TENM2: variants seen among roughly 807,000 people sequenced by gnomAD.
The protein encoded by TENM2 is teneurin-2.
TENM2 carries 52 observed loss-of-function variants against 245.2 expected under a neutral mutation model. That is an observed-to-expected ratio of 0.21 (90% CI 0.17 to 0.27). TENM2 has a LOEUF of 0.27. Ranked by LOEUF, TENM2 falls within the 10% of genes least tolerant of loss-of-function variation. The probability of loss-of-function intolerance (pLI) is 1.00; values close to 1 mark genes in which losing one functional copy is unlikely to be tolerated. For missense variants in TENM2, 3,046 were observed against 3,666.8 expected (o/e 0.83, Z 4.37); for synonymous variants, 1,363 against 1,438.9 (o/e 0.95, Z 1.19).
In TENM2 at chr5:167,765,662, A is replaced by T. The variant is rs555614086; in HGVS notation, c.503-110324A>T. On this transcript the variant is annotated intron_variant, in intron 2 of 28. Coordinates refer to ENST00000518659, the Ensembl canonical transcript of TENM2. ...CGCGGAGCTCGGTGAATTTAAATGT[A>T]TCTCTTGGGCTTTGGTAATATTCGT... Among the ~76,000 whole-genome samples, 9 of 152,340 alleles carry T rather than the reference A, an allele frequency of 5.9e-5. No homozygotes were observed. The East Asian group carries it at 7.7e-4, about 13-fold the overall frequency.
the TENM2 span, among the ~76,000 whole-genome samples, chr5:167,166,789 T>C: frequency 6.6e-6 from 1 of 152,204 alleles, no homozygotes. Context: ...TCAATAATAT[T>C]ATAATGTTCC....
At chr5:167,423,896 T>C (rs1763657059) in intron 2 of TENM2, among the ~76,000 whole-genome samples, 1 of 152,180 alleles carries the variant, frequency 6.6e-6, no homozygotes. Flanking sequence ...CCATCGACCA[T>C]GGCGAAGCAA....
the TENM2 span, among the ~76,000 whole-genome samples, chr5:167,212,372 A>C: frequency 2.2e-4 from 33 of 152,298 alleles, no homozygotes; most frequent in African/African-American, 7.7e-4. Context: ...TCAGCAACAC[A>C]GTCACAGAAA....
intron 2 of TENM2, among the ~76,000 whole-genome samples, chr5:167,528,502 T>G (rs1771270119): frequency 6.6e-6 from 1 of 152,108 alleles, no homozygotes; most frequent in African/African-American, 2.4e-5. Flanking sequence ...TAGCACCTAC[T>G]TTAGAAGTTT....
At chr5:167,987,442 C>A (rs2151990071) in intron 4 of TENM2, among the ~76,000 whole-genome samples, 1 of 152,016 alleles carries the variant, frequency 6.6e-6, no homozygotes, top group East Asian at 1.9e-4. Context: ...ATTCTCCTGC[C>A]TCTGCCTCCC....
chr5:167,336,645 A>C (rs1015299240), intron 1 of TENM2, among the ~76,000 whole-genome samples: 3 of 152,042 alleles, frequency 2.0e-5, no homozygotes, highest in African/African-American at 7.2e-5. Flanking sequence ...CAGCATATCA[A>C]AACTCCCTGT....
At chr5:167,905,739 C>A (rs1776041384) in intron 3 of TENM2, among the ~76,000 whole-genome samples, 1 of 152,132 alleles carries the variant, frequency 6.6e-6, no homozygotes, top group South Asian at 2.1e-4. Flanking sequence ...GTAATTGGTT[C>A]ATTTGCCATA....
intron 2 of TENM2, among the ~76,000 whole-genome samples, chr5:167,683,665 T>G (rs1485416272): frequency 6.6e-6 from 1 of 152,124 alleles, no homozygotes; most frequent in Non-Finnish European, 1.5e-5. Flanking sequence ...AAATTTATGT[T>G]TCTCTGAAAG....
the TENM2 span, among the ~76,000 whole-genome samples, chr5:167,241,426 G>T: frequency 6.6e-6 from 1 of 152,196 alleles, no homozygotes; most frequent in African/African-American, 2.4e-5. Context: ...ATTAAATTGG[G>T]TGGATAAGCA....
intron 12 of TENM2, among the ~76,000 whole-genome samples, chr5:168,128,564 A>G (rs954883639): frequency 1.3e-5 from 2 of 152,194 alleles, no homozygotes; most frequent in African/African-American, 4.8e-5. Flanking sequence ...ACAGAGGGGC[A>G]GGGTTAGTGT....
At chr5:166,988,048 G>A in the TENM2 span, among the ~76,000 whole-genome samples, 1 of 152,162 alleles carries the variant, frequency 6.6e-6, no homozygotes, top group South Asian at 2.1e-4. Context: ...AGCACCAGGT[G>A]AATAGCTCTG....
intron 1 of TENM2, among the ~76,000 whole-genome samples, chr5:167,358,508 T>C (rs548237446): frequency 6.6e-6 from 1 of 151,650 alleles, no homozygotes; most frequent in Non-Finnish European, 1.5e-5. Context: ...ACCCTTGTGG[T>C]CTTATGGTCC....
intron 2 of TENM2, among the ~76,000 whole-genome samples, chr5:167,870,294 A>G (rs1217843330): frequency 2.6e-5 from 4 of 152,144 alleles, no homozygotes; most frequent in African/African-American, 9.7e-5. Flanking sequence ...TGCATTCCAG[A>G]AAAGGACTCA....
intron 2 of TENM2, among the ~76,000 whole-genome samples, chr5:167,403,447 C>A (rs1335966321): frequency 6.6e-6 from 1 of 152,128 alleles, no homozygotes; most frequent in Non-Finnish European, 1.5e-5. Flanking sequence ...TACTTTAAAT[C>A]ATTAGTTGAA....
At chr5:168,128,966 A>G (rs1754318931) in intron 12 of TENM2, 1 of 147,536 alleles carries the variant, frequency 6.8e-6, no homozygotes, top group African/African-American at 2.5e-5. Flanking sequence ...GTTATGGGAA[A>G]AAAAAAAAAA....
chr5:167,482,781 A>G (rs910502268), intron 2 of TENM2, among the ~76,000 whole-genome samples: 1 of 152,228 alleles, frequency 6.6e-6, no homozygotes, highest in Non-Finnish European at 1.5e-5. Context: ...CCTCTCTCAT[A>G]GGGCAACAGT....
intron 2 of TENM2, among the ~76,000 whole-genome samples, chr5:167,770,770 G>A (rs943195307): frequency 6.6e-6 from 1 of 152,052 alleles, no homozygotes; most frequent in African/African-American, 2.4e-5. Flanking sequence ...AGAGTAAACG[G>A]GATACAACAC....
chr5:167,441,540 T>C (rs1277336171), intron 2 of TENM2, among the ~76,000 whole-genome samples: 1 of 152,134 alleles, frequency 6.6e-6, no homozygotes, highest in African/African-American at 2.4e-5. Flanking sequence ...TTCTATCAGC[T>C]GAAACCCAGA....
chr5:167,423,434 G>A lies in TENM2; in HGVS notation c.502+47961G>A, dbSNP rs534911720. On this transcript the variant is annotated intron_variant, in intron 2 of 28. Coordinates refer to ENST00000518659, the Ensembl canonical transcript of TENM2. The stretch of plus-strand genomic sequence containing the variant: ...TGCATGGCTAGATATTCTGTCCACT[G>A]TGCTGTTGGCAGGCTGTTGTTTATC... 2.0e-5 allele frequency among the ~76,000 whole-genome samples: 3 copies of A among 152,296 alleles called. No homozygotes were observed. In the South Asian group the frequency reaches 6.2e-4, roughly 32 times the overall value.
Sources: allele counts gnomAD v4.1 joint callset (sites outside exome capture counted in the v4.1 genomes callset), GRCh38; gene constraint gnomAD v4.1.1; transcripts MANE v1.5; gene names NCBI Gene and HGNC (gene_info 2026-07-23, HGNC 2026-07-21).